Variants in ITGAL observed in about 807,000 individuals in gnomAD.
The protein encoded by ITGAL is integrin subunit alpha L.
ITGAL carries 68 observed loss-of-function variants against 138.4 expected under a neutral mutation model. The observed-to-expected ratio is 0.49, with a 90% CI of 0.40 to 0.60. The LOEUF (loss-of-function observed/expected upper bound fraction) is 0.60, where lower values mean the gene tolerates loss of function less well. ITGAL is among the 20% of genes least tolerant of loss of function. The pLI is 0.00. For synonymous variants in ITGAL, 561 were observed against 584.3 expected (o/e 0.96, Z 0.57); for missense variants, 1,256 against 1,478.6 (o/e 0.85, Z 2.47).
intron 6 of ITGAL, 141 bp downstream of exon 6, chr16:30,479,602 A>G: frequency 1.5e-6 from 1 of 681,348 alleles, no homozygotes; most frequent in Non-Finnish European, 2.4e-6. Flanking sequence ...AAGGGACAAG[A>G]ACCAGGGAGT....
chr16:30,475,681 G>T, intron 4 of ITGAL, 101 bp downstream of exon 4: 1 of 826,262 alleles, frequency 1.2e-6, no homozygotes. Flanking sequence ...CCCACAGATG[G>T]TCAAAGGCAT....
intron 9 of ITGAL, among the ~76,000 whole-genome samples, chr16:30,484,745 C>G (rs1340075363): frequency 6.6e-6 from 1 of 152,032 alleles, no homozygotes; most frequent in African/African-American, 2.4e-5. Context: ...ATGGCGAAAC[C>G]CCGTCTCTAC....
chr16:30,498,052 G>T (rs147611185), intron 15 of ITGAL, among the ~76,000 whole-genome samples: 3 of 151,900 alleles, frequency 2.0e-5, no homozygotes, highest in Non-Finnish European at 4.4e-5. Context: ...GTGGTTGTGG[G>T]GGCCCCTCTG....
At chr16:30,481,710 G>T (rs1301010722) in intron 7 of ITGAL, 126 bp downstream of exon 7, 3 of 778,014 alleles carry the variant, frequency 3.9e-6, no homozygotes, top group Middle Eastern at 2.5e-4. Flanking sequence ...TGTCTGAATT[G>T]AAGTGGAACA....
At chr16:30,506,940 C>G in intron 21 of ITGAL, 84 bp downstream of exon 21, 10 of 1,494,630 alleles carry the variant, frequency 6.7e-6, no homozygotes, top group Non-Finnish European at 9.2e-6. Context: ...GCCAGGACAG[C>G]CTGAACACAT....
At chr16:30,508,985 G>C (rs557822860) in intron 21 of ITGAL, among the ~76,000 whole-genome samples, 1 of 152,048 alleles carries the variant, frequency 6.6e-6, no homozygotes, top group African/African-American at 2.4e-5. Context: ...AAAACCAGAC[G>C]GGGCAACATG....
chr16:30,502,870 T>C (rs2050926622), intron 17 of ITGAL, among the ~76,000 whole-genome samples: 1 of 151,778 alleles, frequency 6.6e-6, no homozygotes, highest in Non-Finnish European at 1.5e-5. Flanking sequence ...CTAGAATGCA[T>C]TGTTATGATC....
At chr16:30,478,120 G>C (rs1354888542) in intron 4 of ITGAL, among the ~76,000 whole-genome samples, 2 of 148,968 alleles carry the variant, frequency 1.3e-5, no homozygotes, top group African/African-American at 5.0e-5. Flanking sequence ...GCAGACACAA[G>C]GTCAGGAGTT....
rs545998410 is a variant in ITGAL, at chr16:30,517,179, G to A, written c.2976+93G>A. On this transcript the variant is annotated intron_variant, in intron 26 of 30. Transcript: ENST00000356798. Reference sequence around the variant, plus strand: ...CAGAGGGCAGGGCTTGGCCAGGTGCGGTGGCTCTGCCTCCCAAATCCCAGC... The same window carrying A: ...CAGAGGGCAGGGCTTGGCCAGGTGCAGTGGCTCTGCCTCCCAAATCCCAGC... The A allele has an allele frequency of 2.0e-3, 1,671 of 829,452 alleles. 1 individual carries two copies. The highest frequency in any genetic ancestry group is 2.5e-3 in the Non-Finnish European group (1,297 of 515,732). The allele number at this position is 829,452 out of a possible 1,614,324, so 51.4% of individuals were successfully genotyped here.
In ITGAL at chr16:30,506,871, A is replaced by G; in HGVS notation, c.2508+15A>G. On this transcript the variant is annotated intron_variant, in intron 21 of 30. Coordinates refer to ENST00000356798, the MANE Select transcript of ITGAL (RefSeq NM_002209.3). The stretch of plus-strand genomic sequence containing the variant: ...AGATGCTGAAGGTGGGTGAGAGGAC[A>G]GCGCCTGCCTGCGGGCATCTGTTCG... 6.2e-7 allele frequency: 1 copy of G among 1,613,398 alleles called. No homozygotes were observed. Among genetic ancestry groups the G allele is most frequent in the Non-Finnish European group, 8.5e-7 (1 of 1,179,538 alleles).
At chr16:30,481,176 ACACACAC>A (rs2050552222) in intron 6 of ITGAL, 2 of 382,136 alleles carry the variant, frequency 5.2e-6, no homozygotes, top group South Asian at 2.3e-5. Context: ...ACACACACAC[ACACACAC>A]CACACACACA....
rs2050411897 is a variant in ITGAL, at chr16:30,472,745, A to G, written c.-93A>G. ...CTGTAAGAGGCCAAAGGGCATGATCATTTTCCTCTTTCACCCTGTCTAGGT... is the reference window on the plus strand; with the variant it reads ...CTGTAAGAGGCCAAAGGGCATGATCGTTTTCCTCTTTCACCCTGTCTAGGT... On this transcript the variant is annotated 5_prime_UTR_variant, in exon 1 of 31. Transcript: ENST00000356798. 8.7e-7 allele frequency: 1 copy of G among 1,154,918 alleles called. No homozygotes were observed. The highest frequency in any genetic ancestry group is 1.3e-6 in the Non-Finnish European group (1 of 780,332). The allele number at this position is 1,154,918 out of a possible 1,614,324, so 71.5% of individuals were successfully genotyped here. A position where few individuals can be genotyped will look rare whatever the true frequency, so the allele number is the denominator to read the frequency against.
Position 30,490,226 on chromosome 16 carries a change from T to TAAAAA in ITGAL, c.1213+840_1213+841insAAAAA, listed in dbSNP as rs780440564. Among the ~76,000 whole-genome samples the TAAAAA allele has an allele frequency of 5.2e-5, 6 of 115,172 alleles. 2 individuals carry two copies. Among genetic ancestry groups the TAAAAA allele is most frequent in the African/African-American group, 6.7e-5 (2 of 29,948 alleles). The allele number at this position is 115,172 out of a possible 152,430, so 75.6% of individuals were successfully genotyped here. On this transcript the variant is annotated intron_variant, in intron 11 of 30. Coordinates refer to ENST00000356798, the MANE Select transcript of ITGAL (RefSeq NM_002209.3). ...CAAGATGACAGAGCGAGACTCCGTC[T>TAAAAA]TAAAAAAAAAAAAAAAAAAAAGGCC...
rs35833634 is a variant in ITGAL at position 30,509,717 on chromosome 16, C to T, written c.2509-644C>T. On this transcript the variant is annotated intron_variant, in intron 21 of 30. Coordinates refer to ENST00000356798, the MANE Select transcript of ITGAL (RefSeq NM_002209.3). Reference sequence around the variant, plus strand: ...TGCCTAATAGCTGGGACAACAGGCACGCCCCACTATGCTCAGCTCATTTTA... The same window carrying T: ...TGCCTAATAGCTGGGACAACAGGCATGCCCCACTATGCTCAGCTCATTTTA... 6.5e-3 allele frequency among the ~76,000 whole-genome samples: 990 copies of T among 152,160 alleles called. 8 individuals are homozygous for T. The highest frequency in any genetic ancestry group is 0.049 in the East Asian group (253 of 5,180).
chr16:30,495,972 T>G (rs1456965088), intron 13 of ITGAL, 125 bp from the exon 14 acceptor site: 4 of 776,346 alleles, frequency 5.2e-6, no homozygotes, highest in Non-Finnish European at 6.6e-6. Flanking sequence ...CCCTGGTTAG[T>G]CTAACAGCAC....
chr16:30,481,876 T>A (rs982598102), intron 7 of ITGAL, among the ~76,000 whole-genome samples: 35 of 151,936 alleles, frequency 2.3e-4, no homozygotes, highest in African/African-American at 5.6e-4. Context: ...TTTTGTTTGT[T>A]TGTTTGGTTT....
intron 2 of ITGAL, chr16:30,474,617 T>C: frequency 3.0e-6 from 1 of 336,558 alleles, no homozygotes; most frequent in South Asian, 3.6e-5. Context: ...GTCTGTTCTC[T>C]CTTCCTAACC....
intron 15 of ITGAL, among the ~76,000 whole-genome samples, chr16:30,497,307 C>T (rs2050816207): frequency 6.6e-6 from 1 of 150,890 alleles, no homozygotes; most frequent in South Asian, 2.1e-4. Flanking sequence ...CGCGCCCCTG[C>T]ACTCCAGCCT....
chr16:30,477,553 C>G (rs142504876), intron 4 of ITGAL, among the ~76,000 whole-genome samples: 3 of 151,722 alleles, frequency 2.0e-5, no homozygotes, highest in African/African-American at 7.3e-5. Context: ...AGAACAAAAA[C>G]AAAACAAAGC....
Sources: gnomAD v4.1 joint callset for allele counts (sites outside exome capture counted in the v4.1 genomes callset) on GRCh38, gnomAD v4.1.1 for gene constraint, MANE v1.5 for transcripts, NCBI Gene and HGNC (gene_info 2026-07-23, HGNC 2026-07-21) for gene names.